The following UBR1 variants were observed in gnomAD, a reference collection of about 807,000 sequenced individuals.
UBR1 encodes the protein E3 ubiquitin-protein ligase UBR1.
UBR1 carries 102 observed loss-of-function variants against 242.1 expected under a neutral mutation model. The ratio of observed to expected loss-of-function variants is 0.42; its 90% confidence interval spans 0.36 to 0.50. UBR1 has a LOEUF of 0.50. Among genes scored for constraint, UBR1 ranks in the 20% least tolerant of loss-of-function variants. The pLI, the probability that UBR1 is intolerant of heterozygous loss-of-function variation, is 0.01. For synonymous variants in UBR1, 675 were observed against 684.8 expected (o/e 0.99, Z 0.22); for missense variants, 1,772 against 2,101.8 (o/e 0.84, Z 3.07).
chr15:43,082,817 C>G (rs563765830), intron 2 of UBR1, 101 bp from the exon 3 acceptor site: 640 of 832,502 alleles, frequency 7.7e-4, no homozygotes, highest in Non-Finnish European at 1.2e-3. Flanking sequence ...CTATGGTACA[C>G]AAACTGAATA....
In UBR1 at chr15:43,047,301, A is replaced by T. The variant is rs187981414; in HGVS notation, c.1540-12T>A. Reference sequence around the variant, plus strand: ...ATTTCTTCCATTCCCTGCAATTACAAGTTGGTCAACATACACCTATCTGAG... The same window carrying T: ...ATTTCTTCCATTCCCTGCAATTACATGTTGGTCAACATACACCTATCTGAG... On this transcript the variant is annotated splice_polypyrimidine_tract_variant and intron_variant, in intron 13 of 46. Transcript: ENST00000290650. The T allele has an allele frequency of 8.3e-5, 134 of 1,614,096 alleles. 1 individual carries two copies. The Admixed American group carries it at 1.7e-3, about 21-fold the overall frequency.
chr15:42,964,071 A>G, intron 41 of UBR1, 28 bp from the exon 42 acceptor site: 1 of 1,465,632 alleles, frequency 6.8e-7, no homozygotes, highest in South Asian at 1.1e-5. Context: ...TACATTTAAT[A>G]AGCACATTAT....
intron 1 of UBR1, among the ~76,000 whole-genome samples, chr15:43,103,501 T>C (rs1054728573): frequency 6.6e-6 from 1 of 152,220 alleles, no homozygotes; most frequent in African/African-American, 2.4e-5. Flanking sequence ...CTTGTGAAAA[T>C]GCAGATTCTT....
chr15:42,984,779 G>A (rs923497775), intron 36 of UBR1, 108 bp downstream of exon 36: 8 of 1,016,162 alleles, frequency 7.9e-6, no homozygotes, highest in Admixed American at 1.9e-5. Context: ...ATAGAATTCT[G>A]CTAATTTTTA....
At chr15:43,012,149 C>A (rs2032932646) in intron 29 of UBR1, among the ~76,000 whole-genome samples, 1 of 151,900 alleles carries the variant, frequency 6.6e-6, no homozygotes, top group South Asian at 2.1e-4. Flanking sequence ...ATGGCGTGAA[C>A]CCTGGAGGTG....
intron 29 of UBR1, among the ~76,000 whole-genome samples, chr15:43,014,567 C>T (rs558625090): frequency 2.0e-5 from 3 of 151,606 alleles, no homozygotes; most frequent in Non-Finnish European, 4.4e-5. Context: ...TCTGCCCGGC[C>T]GCGACCCCGT....
intron 29 of UBR1, 73 bp from the exon 30 acceptor site, chr15:43,007,357 G>C: frequency 7.9e-7 from 1 of 1,273,478 alleles, no homozygotes; most frequent in Non-Finnish European, 1.1e-6. Context: ...TAGATTTTAA[G>C]TAACTATAGG....
intron 32 of UBR1, among the ~76,000 whole-genome samples, chr15:43,001,006 G>C (rs1366418500): frequency 1.3e-5 from 2 of 151,882 alleles, no homozygotes; most frequent in East Asian, 3.9e-4. Context: ...GCTAATTTTT[G>C]TATTCTTAGT....
At chr15:43,061,750 C>G (rs1713931015) in intron 6 of UBR1, among the ~76,000 whole-genome samples, 1 of 135,770 alleles carries the variant, frequency 7.4e-6, no homozygotes, top group South Asian at 2.5e-4. Context: ...TGTGTGGGAG[C>G]TAAGCTATGA....
chr15:43,026,333 TC>T, intron 23 of UBR1: 1 of 455,774 alleles, frequency 2.2e-6, no homozygotes, highest in Non-Finnish European at 4.0e-6. Flanking sequence ...CTTGATTGAA[TC>T]CTCTTCCCAA....
intron 15 of UBR1, among the ~76,000 whole-genome samples, chr15:43,042,886 T>C (rs189861568): frequency 1.1e-4 from 17 of 152,284 alleles, no homozygotes; most frequent in African/African-American, 1.9e-4. Context: ...ACCAGTGAAA[T>C]TGGTCAGAGA....
rs1275090232 is a variant in UBR1, at chr15:43,058,379, T to C, written c.1144A>G (p.Met382Val). The C allele has an allele frequency of 5.6e-6, 9 of 1,610,850 alleles. No individual in the cohort carries two copies. In the African/African-American group the frequency reaches 6.7e-5, roughly 12 times the overall value. The change falls in exon 10 of 47, where the codon ATG (methionine) becomes GTG (valine). Residue 382 changes from methionine (M) to valine (V), a missense_variant. Met to Val is a conservative substitution (Grantham distance 21). This residue lies in a region of UBR1 where 734 missense variants were observed against 893.3 expected (regional missense o/e 0.82). Coordinates refer to ENST00000290650, the MANE Select transcript of UBR1 (RefSeq NM_174916.3). Reference sequence around the variant, plus strand: ...ATAGCAAAGAGTTTTTTGTATTCCATCTCCATAAAAAAACTGCTGAAGATC... The same window carrying C: ...ATAGCAAAGAGTTTTTTGTATTCCACCTCCATAAAAAAACTGCTGAAGATC... ...ELIFSSFFME[M>V]EYKKLFAMEF...
intron 15 of UBR1, among the ~76,000 whole-genome samples, chr15:43,040,270 G>C (rs1398524515): frequency 2.0e-5 from 3 of 152,124 alleles, no homozygotes; most frequent in Non-Finnish European, 1.5e-5. Context: ...CAATGGGACT[G>C]AACAGAGCCC....
At chr15:43,083,538 G>A (rs188268230) in intron 2 of UBR1, among the ~76,000 whole-genome samples, 297 of 151,516 alleles carry the variant, frequency 2.0e-3, no homozygotes, top group Admixed American at 3.7e-3. Context: ...GCGCCACCAC[G>A]CCCAGCTAAT....
intron 1 of UBR1, among the ~76,000 whole-genome samples, chr15:43,099,643 C>A (rs1410550308): frequency 6.6e-6 from 1 of 152,164 alleles, no homozygotes; most frequent in African/African-American, 2.4e-5. Flanking sequence ...TTCCTCTCTA[C>A]CTCAGTGTCT....
intron 46 of UBR1, among the ~76,000 whole-genome samples, chr15:42,949,755 C>T (rs1010867567): frequency 3.3e-5 from 5 of 151,348 alleles, no homozygotes; most frequent in African/African-American, 4.8e-5. Context: ...GCTGAGATAG[C>T]GCCACTGCAC....
Position 42,952,131 on chromosome 15 carries a change from A to G in UBR1, c.5006+147T>C, listed in dbSNP as rs1001941122. On this transcript the variant is annotated intron_variant, in intron 45 of 46. Coordinates refer to ENST00000290650, the MANE Select transcript of UBR1 (RefSeq NM_174916.3). ...TATTCTTTTTTCACAGTATCTTCTC[A>G]AATGCAATTTCATGTCAATAACAGG... 8 of 1,010,190 alleles carry G rather than the reference A, an allele frequency of 7.9e-6. No homozygotes were observed. In the African/African-American group the frequency reaches 1.3e-4, roughly 16 times the overall value. The allele number at this position is 1,010,190 out of a possible 1,614,324, so 62.6% of individuals were successfully genotyped here. A position where few individuals can be genotyped will look rare whatever the true frequency, so the allele number is the denominator to read the frequency against.
At chr15:43,006,459 G>A (rs1242316704) in intron 30 of UBR1, among the ~76,000 whole-genome samples, 1 of 152,130 alleles carries the variant, frequency 6.6e-6, no homozygotes, top group African/African-American at 2.4e-5. Context: ...TTGTAAAGAC[G>A]AGGTTTCGCC....
intron 35 of UBR1, among the ~76,000 whole-genome samples, chr15:42,985,989 C>CAAAAA (rs1230190123): frequency 2.1e-5 from 1 of 47,008 alleles, no homozygotes; most frequent in Non-Finnish European, 4.4e-5. Context: ...GACCCTGTCT[C>CAAAAA]AAAAAAAAAA....
Sources: allele counts gnomAD v4.1 joint callset (sites outside exome capture counted in the v4.1 genomes callset), GRCh38; gene constraint gnomAD v4.1.1; regional missense constraint gnomAD v4.1.1; transcripts MANE v1.5; gene names NCBI Gene and HGNC (gene_info 2026-07-23, HGNC 2026-07-21).